The following PLPPR1 variants were observed in gnomAD, a reference collection of about 807,000 sequenced individuals.
The protein encoded by PLPPR1 is phospholipid phosphatase related 1, also known as phospholipid phosphatase-related protein type 1.
Under a neutral mutation model 33.1 loss-of-function variants are expected in PLPPR1, and 10 were observed. The observed-to-expected ratio is 0.30, with a 90% CI of 0.19 to 0.51. PLPPR1 has a LOEUF of 0.51. Among genes scored for constraint, PLPPR1 ranks in the 20% least tolerant of loss-of-function variants. PLPPR1 has a pLI of 0.97. For missense variants in PLPPR1, 304 were observed against 408.1 expected (o/e 0.74, Z 2.20); for synonymous variants, 151 against 151.0 (o/e 1.00, Z 0.00).
chr9:101,099,040 T>A (rs572494153), intron 1 of PLPPR1, among the ~76,000 whole-genome samples: 1 of 151,724 alleles, frequency 6.6e-6, no homozygotes, highest in East Asian at 1.9e-4. Context: ...TCTCGGAAAG[T>A]CACTCAATCC....
intron 1 of PLPPR1, among the ~76,000 whole-genome samples, chr9:101,111,469 T>G (rs995655495): frequency 6.6e-6 from 1 of 152,216 alleles, no homozygotes; most frequent in East Asian, 1.9e-4. Flanking sequence ...TCAATTCCTT[T>G]AATAAAAATA....
intron 7 of PLPPR1, among the ~76,000 whole-genome samples, chr9:101,319,343 C>T (rs1212185262): frequency 1.3e-5 from 2 of 152,006 alleles, no homozygotes; most frequent in Non-Finnish European, 2.9e-5. Flanking sequence ...CGCCTGGCTA[C>T]TTTCTTGTAT....
chr9:101,203,756 C>CTATCTATATATATAGAT (rs1564174707), intron 2 of PLPPR1, among the ~76,000 whole-genome samples: 13 of 41,636 alleles, frequency 3.1e-4, no homozygotes, highest in Non-Finnish European at 4.8e-4. Context: ...TATATATAGA[C>CTATCTATATATATAGAT]AGATATATAA....
intron 1 of PLPPR1, among the ~76,000 whole-genome samples, chr9:101,131,151 T>C (rs939734488): frequency 1.5e-4 from 23 of 152,190 alleles, no homozygotes; most frequent in Non-Finnish European, 3.1e-4. Context: ...TAACCTGACC[T>C]TGACGGCATT....
intron 1 of PLPPR1, among the ~76,000 whole-genome samples, chr9:101,087,194 AT>A (rs1204897620): frequency 2.0e-5 from 3 of 150,976 alleles, no homozygotes; most frequent in East Asian, 2.0e-4. Context: ...AAAAAAAAAA[AT>A]AAAATAAAAA....
At chr9:101,237,815 GCATA>G (rs1827338000) in intron 2 of PLPPR1, among the ~76,000 whole-genome samples, 1 of 80,428 alleles carries the variant, frequency 1.2e-5, no homozygotes, top group East Asian at 3.2e-4. Context: ...TCCATTGTGT[GCATA>G]TATATATATA....
chr9:101,141,748 T>C (rs1831453406), intron 1 of PLPPR1, among the ~76,000 whole-genome samples: 1 of 152,140 alleles, frequency 6.6e-6, no homozygotes, highest in South Asian at 2.1e-4. Flanking sequence ...TGTGAGTAAC[T>C]GAGATTGGAA....
chr9:101,244,397 G>A (rs1827543426), intron 2 of PLPPR1, among the ~76,000 whole-genome samples: 1 of 151,792 alleles, frequency 6.6e-6, no homozygotes. Flanking sequence ...AATTAATAGG[G>A]TTACAAGAAA....
At chr9:101,289,457 T>C (rs1250750102) in intron 4 of PLPPR1, among the ~76,000 whole-genome samples, 1 of 152,220 alleles carries the variant, frequency 6.6e-6, no homozygotes, top group African/African-American at 2.4e-5. Flanking sequence ...CAAAAAATGA[T>C]TTTTGAGAGT....
At chr9:101,213,327 TTAAG>T (rs1338189473) in intron 2 of PLPPR1, among the ~76,000 whole-genome samples, 3 of 152,152 alleles carry the variant, frequency 2.0e-5, no homozygotes, top group African/African-American at 4.8e-5. Flanking sequence ...ATAACATAGT[TTAAG>T]TAAGCAACCA....
At chr9:101,064,804 C>T (rs952200567) in intron 1 of PLPPR1, among the ~76,000 whole-genome samples, 5 of 151,992 alleles carry the variant, frequency 3.3e-5, no homozygotes, top group Admixed American at 6.6e-5. Flanking sequence ...GGGGACTCTG[C>T]AGAGTTTTGA....
chr9:101,228,456 G>A (rs1827116689), intron 2 of PLPPR1, among the ~76,000 whole-genome samples: 1 of 152,128 alleles, frequency 6.6e-6, no homozygotes, highest in African/African-American at 2.4e-5. Flanking sequence ...TCACCAACTA[G>A]AGGGTTGGTC....
intron 2 of PLPPR1, among the ~76,000 whole-genome samples, chr9:101,268,125 A>T (rs1828031959): frequency 6.6e-6 from 1 of 152,118 alleles, no homozygotes; most frequent in Non-Finnish European, 1.5e-5. Context: ...GGGGGGAGAG[A>T]TAGCATTAGG....
chr9:101,128,411 A>C (rs1831273046), intron 1 of PLPPR1, among the ~76,000 whole-genome samples: 2 of 152,196 alleles, frequency 1.3e-5, no homozygotes, highest in Non-Finnish European at 2.9e-5. Flanking sequence ...ATATAATAAT[A>C]ATCTTACCTA....
At chr9:101,161,175 T>C (rs1463103774) in intron 1 of PLPPR1, among the ~76,000 whole-genome samples, 2 of 152,186 alleles carry the variant, frequency 1.3e-5, no homozygotes, top group African/African-American at 4.8e-5. Flanking sequence ...GAACAAGCTG[T>C]AAGAGTATTT....
At chr9:101,180,293 A>C (rs531601529) in intron 1 of PLPPR1, among the ~76,000 whole-genome samples, 40 of 151,154 alleles carry the variant, frequency 2.6e-4, no homozygotes, top group Non-Finnish European at 5.5e-4. Context: ...ACAATTAAGA[A>C]ATTAAAAGAA....
intron 1 of PLPPR1, among the ~76,000 whole-genome samples, chr9:101,168,060 G>A (rs1030663254): frequency 6.6e-6 from 1 of 152,078 alleles, no homozygotes; most frequent in Admixed American, 6.6e-5. Flanking sequence ...GGAAAGACCT[G>A]CCCCTATGAT....
At chr9:101,298,590 T>C (rs1828691083) in intron 4 of PLPPR1, among the ~76,000 whole-genome samples, 1 of 152,172 alleles carries the variant, frequency 6.6e-6, no homozygotes, top group African/African-American at 2.4e-5. Context: ...AATTAGTCTA[T>C]TTCTGTTTGC....
intron 1 of PLPPR1, among the ~76,000 whole-genome samples, chr9:101,143,066 T>C (rs1156792035): frequency 6.6e-6 from 1 of 152,116 alleles, no homozygotes; most frequent in Non-Finnish European, 1.5e-5. Context: ...GATGGATCAA[T>C]GGCTTTCTTC....
Sources: gnomAD v4.1 joint callset for allele counts (sites outside exome capture counted in the v4.1 genomes callset) on GRCh38, gnomAD v4.1.1 for gene constraint, MANE v1.5 for transcripts, NCBI Gene and HGNC (gene_info 2026-07-23, HGNC 2026-07-21) for gene names.